The following AGAP1 variants were observed in gnomAD, a reference collection of about 807,000 sequenced individuals.
AGAP1 encodes ArfGAP with GTPase domain, ankyrin repeat and PH domain 1.
In AGAP1, 29 loss-of-function variants were observed where a neutral mutation model predicts 105.3. The ratio of observed to expected loss-of-function variants is 0.28; its 90% CI spans 0.21 to 0.38. The LOEUF is 0.38. AGAP1 is among the 10% of genes least tolerant of loss of function. The pLI is 1.00. For synonymous variants in AGAP1, 509 were observed against 485.9 expected (o/e 1.05, Z -0.63); for missense variants, 998 against 1,165.1 (o/e 0.86, Z 2.09).
In AGAP1 at chr2:235,566,240, C is replaced by T. The variant is rs1352413049; in HGVS notation, c.163+71391C>T. On this transcript the variant is annotated intron_variant, in intron 1 of 17. Transcript: ENST00000304032. The surrounding 1 kb of genome is among the most constrained non-coding windows in gnomAD (Gnocchi z 5.2). Reference sequence around the variant, plus strand: ...CCAAGTAGCTGGGATTACAGGCATGCGCCACCACGCCTGGCTAATTTTGTA... The same window carrying T: ...CCAAGTAGCTGGGATTACAGGCATGTGCCACCACGCCTGGCTAATTTTGTA... Among the ~76,000 whole-genome samples the T allele has an allele frequency of 2.0e-5, 3 of 152,062 alleles. No individual in the cohort carries two copies. The highest frequency in any genetic ancestry group is 2.1e-4 in the South Asian group (1 of 4,816).
Position 235,740,197 on chromosome 2 carries a change from C to T in AGAP1, c.311-766C>T, listed in dbSNP as rs552298620. Among the ~76,000 whole-genome samples, 2 of 152,244 alleles carry T rather than the reference C, an allele frequency of 1.3e-5. 1 individual carries two copies. Among genetic ancestry groups the T allele is most frequent in the South Asian group, 4.1e-4 (2 of 4,820 alleles). On this transcript the variant is annotated intron_variant, in intron 3 of 17. Transcript: ENST00000304032. The surrounding 1 kb of genome is among the most constrained non-coding windows in gnomAD (Gnocchi z 5.7). ...GCCTAGCGGGCCGGGCTGGGCACTG[C>T]AGCAACCTTGTACCATCCCCTCCTG...
In AGAP1 at chr2:236,044,660, A is replaced by G. The variant is rs902543597; in HGVS notation, c.1891+3819A>G. 1.3e-5 allele frequency among the ~76,000 whole-genome samples: 2 copies of G among 152,148 alleles called. No individual in the cohort carries two copies. The highest frequency in any genetic ancestry group is 6.5e-5 in the Admixed American group (1 of 15,278). On this transcript the variant is annotated intron_variant, in intron 15 of 17. Transcript: ENST00000304032. This position sits in a 1 kb window ranked among gnomAD's most constrained non-coding sequence, Gnocchi z 5.7. ...CACAACCTACAGTAGGAGCACATCC[A>G]GGCTCTCATCTTTAGCTTGGCCCAC...
intron 10 of AGAP1, among the ~76,000 whole-genome samples, chr2:235,895,467 T>C (rs1201215644): frequency 1.3e-5 from 2 of 152,216 alleles, no homozygotes; most frequent in Non-Finnish European, 2.9e-5. Flanking sequence ...GTTGAGAATG[T>C]TCTTTTCTGC....
intron 1 of AGAP1, among the ~76,000 whole-genome samples, chr2:235,630,121 A>G (rs182763564): frequency 6.6e-6 from 1 of 152,346 alleles, no homozygotes; most frequent in East Asian, 1.9e-4. Flanking sequence ...GTGCCAAATT[A>G]AACATATACT....
chr2:235,715,058 A>G (rs922012772), intron 2 of AGAP1, among the ~76,000 whole-genome samples: 1 of 151,972 alleles, frequency 6.6e-6, no homozygotes, highest in African/African-American at 2.4e-5. Flanking sequence ...CGGCCCCCCA[A>G]AGTGCCGGGA....
At chr2:235,710,460 G>A (rs1351463913) in intron 2 of AGAP1, among the ~76,000 whole-genome samples, 1 of 152,172 alleles carries the variant, frequency 6.6e-6, no homozygotes, top group Admixed American at 6.5e-5. Context: ...CAACCGCGGG[G>A]TGTCATCAGC....
intron 1 of AGAP1, among the ~76,000 whole-genome samples, chr2:235,668,360 A>G (rs762836096): frequency 3.3e-5 from 5 of 152,198 alleles, no homozygotes; most frequent in South Asian, 4.1e-4. Context: ...CGTGAACACA[A>G]TAGGTACCCC....
At chr2:236,074,995 G>A (rs1408555816) in intron 16 of AGAP1, among the ~76,000 whole-genome samples, 1 of 152,202 alleles carries the variant, frequency 6.6e-6, no homozygotes, top group Non-Finnish European at 1.5e-5. Flanking sequence ...GGAGGTTGCA[G>A]TGAGCCAAGA....
At position 235,579,264 on chromosome 2, in the gene AGAP1, C is replaced by T. The variant is rs773431860; in HGVS notation, c.163+84415C>T. On this transcript the variant is annotated intron_variant, in intron 1 of 17. Transcript: ENST00000304032. ...GCAGAGCCGGGCTCAGTTTACCAGG[C>T]GACACTTTTGCTTTAATCCTTCCTG... Among the ~76,000 whole-genome samples the T allele has an allele frequency of 4.6e-5, 7 of 152,280 alleles. No individual in the cohort carries two copies. The East Asian group carries it at 5.8e-4, about 13-fold the overall frequency.
chr2:235,756,382 G>A (rs371309870), intron 6 of AGAP1, among the ~76,000 whole-genome samples: 1 of 152,156 alleles, frequency 6.6e-6, no homozygotes, highest in Non-Finnish European at 1.5e-5. Context: ...TGGTGTCTTT[G>A]TGGTAGCTGT....
intron 6 of AGAP1, among the ~76,000 whole-genome samples, chr2:235,760,205 AC>A (rs534881349): frequency 1.6e-4 from 24 of 152,108 alleles, no homozygotes; most frequent in African/African-American, 5.5e-4. Context: ...ACATGCCGAA[AC>A]CCCCCTCTCT....
intron 1 of AGAP1, among the ~76,000 whole-genome samples, chr2:235,538,020 T>C (rs553850260): frequency 3.3e-5 from 5 of 152,222 alleles, no homozygotes; most frequent in Admixed American, 1.3e-4. Context: ...AGGCTGCTAA[T>C]ATGCGTGGTA....
rs1283024580 is a variant in AGAP1 at position 235,874,118 on chromosome 2, C to T, written c.1051-9227C>T. On this transcript the variant is annotated intron_variant, in intron 9 of 17. Coordinates refer to ENST00000304032, the MANE Select transcript of AGAP1 (RefSeq NM_001037131.3). This position sits in a 1 kb window ranked among gnomAD's most constrained non-coding sequence, Gnocchi z 4.5. Reference sequence around the variant, plus strand: ...CTGTCGCCAGGCTGGAGTGCAGTGGCGTGATCTCAGCTCACTGCAACCTCT... The same window carrying T: ...CTGTCGCCAGGCTGGAGTGCAGTGGTGTGATCTCAGCTCACTGCAACCTCT... Among the ~76,000 whole-genome samples the T allele has an allele frequency of 2.0e-5, 3 of 152,078 alleles. No individual in the cohort carries two copies. The highest frequency in any genetic ancestry group is 6.6e-5 in the Admixed American group (1 of 15,266).
intron 1 of AGAP1, among the ~76,000 whole-genome samples, chr2:235,522,678 A>T (rs915132810): frequency 1.3e-5 from 2 of 152,036 alleles, no homozygotes; most frequent in African/African-American, 4.8e-5. Context: ...GGCAGAGGGG[A>T]GGCTGAAAGT....
At chr2:235,880,844 A>T (rs1047526269) in intron 9 of AGAP1, among the ~76,000 whole-genome samples, 2 of 152,282 alleles carry the variant, frequency 1.3e-5, no homozygotes, top group East Asian at 3.9e-4. Context: ...AGTTGAAGCA[A>T]TTGCTTGTTT....
chr2:235,800,741 G>A (rs1275444752), intron 8 of AGAP1, among the ~76,000 whole-genome samples: 1 of 152,194 alleles, frequency 6.6e-6, no homozygotes, highest in African/African-American at 2.4e-5. Context: ...ATGGGAGTGG[G>A]AAGGTAAAGG....
intron 16 of AGAP1, among the ~76,000 whole-genome samples, chr2:236,066,286 C>T (rs1314234823): frequency 6.6e-6 from 1 of 152,124 alleles, no homozygotes; most frequent in Non-Finnish European, 1.5e-5. Flanking sequence ...GGTGCAGTGG[C>T]ACAATCTCAG....
rs1384034749 is a variant in AGAP1, at chr2:235,905,801, A to G, written c.1156-2937A>G. ...GGCGTGAGCCACCGCGCCCCGCCTGATGTGCTTTTCATTTGTCACCCTCAA... is the reference window on the plus strand; with the variant it reads ...GGCGTGAGCCACCGCGCCCCGCCTGGTGTGCTTTTCATTTGTCACCCTCAA... On this transcript the variant is annotated intron_variant, in intron 10 of 17. Coordinates refer to ENST00000304032, the MANE Select transcript of AGAP1 (RefSeq NM_001037131.3). The surrounding 1 kb of genome is among the most constrained non-coding windows in gnomAD (Gnocchi z 4.2). Among the ~76,000 whole-genome samples, 1 of 152,136 alleles carries G rather than the reference A, an allele frequency of 6.6e-6. No individual in the cohort carries two copies. The highest frequency in any genetic ancestry group is 2.1e-4 in the South Asian group (1 of 4,828).
intron 9 of AGAP1, among the ~76,000 whole-genome samples, chr2:235,849,075 T>A (rs545231336): frequency 6.6e-6 from 1 of 152,364 alleles, no homozygotes; most frequent in South Asian, 2.1e-4. Flanking sequence ...CTGTAATTCA[T>A]TAGTTTCACC....
Sources: gnomAD v4.1 joint callset for allele counts (sites outside exome capture counted in the v4.1 genomes callset) on GRCh38, gnomAD v4.1.1 for gene constraint, Gnocchi (gnomAD v3.1) non-coding constraint, MANE v1.5 for transcripts, NCBI Gene and HGNC (gene_info 2026-07-23, HGNC 2026-07-21) for gene names.